Variants in PIK3CB observed in about 807,000 individuals in gnomAD.
PIK3CB encodes the protein phosphatidylinositol 4,5-bisphosphate 3-kinase catalytic subunit beta isoform.
In PIK3CB, 39 loss-of-function variants were observed where a neutral mutation model predicts 136.8. The observed-to-expected ratio is 0.29, with a 90% CI of 0.22 to 0.37. The LOEUF is 0.37. Ranked by LOEUF, PIK3CB falls within the 10% of genes least tolerant of loss-of-function variation. PIK3CB has a pLI of 1.00. For synonymous variants in PIK3CB, 428 were observed against 436.6 expected, an observed-to-expected ratio of 0.98 and a Z score of 0.25; for missense variants, 868 against 1,275.4, an observed-to-expected ratio of 0.68 and a Z score of 4.87.
At chr3:138,770,849 T>C (rs980185029) in intron 2 of PIK3CB, among the ~76,000 whole-genome samples, 2 of 151,260 alleles carry the variant, frequency 1.3e-5, no homozygotes, top group African/African-American at 4.9e-5. Context: ...GAAGCTGGTA[T>C]TACAGGCACC....
chr3:138,785,608 C>T (rs900535687), intron 2 of PIK3CB, among the ~76,000 whole-genome samples: 3 of 151,974 alleles, frequency 2.0e-5, no homozygotes, highest in African/African-American at 7.2e-5. Flanking sequence ...TAAACAGATG[C>T]TTGAAGGCAG....
At chr3:138,735,591 C>T (rs771683013) in intron 6 of PIK3CB, among the ~76,000 whole-genome samples, 1 of 152,118 alleles carries the variant, frequency 6.6e-6, no homozygotes, top group Non-Finnish European at 1.5e-5. Flanking sequence ...CAAGTATTAC[C>T]AGCCGTCTTC....
At chr3:138,722,486 A>G (rs2044749092) in intron 8 of PIK3CB, among the ~76,000 whole-genome samples, 1 of 152,166 alleles carries the variant, frequency 6.6e-6, no homozygotes, top group African/African-American at 2.4e-5. Context: ...AATTTTACAA[A>G]TGATTATTTT....
chr3:138,807,894 CAAAA>C (rs35759774), intron 1 of PIK3CB, among the ~76,000 whole-genome samples: 2 of 129,224 alleles, frequency 1.5e-5, no homozygotes, highest in African/African-American at 2.8e-5. Context: ...GATCCTGTCT[CAAAA>C]AAAAAAAAAA....
At chr3:138,681,279 C>CAA (rs2043776332) in intron 19 of PIK3CB, among the ~76,000 whole-genome samples, 1 of 152,066 alleles carries the variant, frequency 6.6e-6, no homozygotes, top group Admixed American at 6.5e-5. Context: ...CTCCTGACCT[C>CAA]AAGTGATCTG....
intron 2 of PIK3CB, among the ~76,000 whole-genome samples, chr3:138,762,163 C>T (rs1422377824): frequency 1.5e-4 from 22 of 151,638 alleles, no homozygotes; most frequent in African/African-American, 4.8e-4. Flanking sequence ...GCAGGAGAAT[C>T]GCCTGAACCC....
intron 5 of PIK3CB, among the ~76,000 whole-genome samples, chr3:138,738,410 A>G (rs2045160677): frequency 1.3e-5 from 2 of 152,086 alleles, no homozygotes; most frequent in African/African-American, 4.8e-5. Flanking sequence ...TGACCTTGTG[A>G]TCCGCCTGCC....
At chr3:138,697,067 A>C (rs2044152163) in intron 13 of PIK3CB, among the ~76,000 whole-genome samples, 1 of 152,186 alleles carries the variant, frequency 6.6e-6, no homozygotes, top group Admixed American at 6.5e-5. Context: ...AATTGCCAAA[A>C]CTCACCAAAC....
At chr3:138,696,821 A>G (rs1577086194) in intron 13 of PIK3CB, among the ~76,000 whole-genome samples, 1 of 152,294 alleles carries the variant, frequency 6.6e-6, no homozygotes, top group East Asian at 1.9e-4. Flanking sequence ...AAGAGTTGGG[A>G]AGAGACCATT....
rs184069629 is a variant in PIK3CB at position 138,714,486 on chromosome 3, G to C, written c.1284C>G (p.Ile428Met). 8 of 1,608,206 alleles carry C rather than the reference G, an allele frequency of 5.0e-6. No individual in the cohort carries two copies. The highest frequency in any genetic ancestry group is 6.8e-6 in the Non-Finnish European group (8 of 1,175,888). ...TCATTACCACTTTTCCAGCTTTCCT[G>C]ATGGTCTGATATTTAGAGGGATTAA... ...KTINPSKYQT[I>M]RKAGKVHYPV... is the part of the protein sequence containing the mutation. Residue 428 changes from isoleucine (I) to methionine (M), a missense_variant, in exon 9 of 24, where the codon ATC becomes ATG. Around this residue, in one of 4 missense-constraint regions of PIK3CB, gnomAD observed 612 missense variants for 801.1 expected, o/e 0.76. Transcript: ENST00000674063.
At chr3:138,817,359 A>G (rs559930475) in intron 1 of PIK3CB, among the ~76,000 whole-genome samples, 1 of 151,292 alleles carries the variant, frequency 6.6e-6, no homozygotes, top group East Asian at 2.0e-4. Context: ...AACAAAAACA[A>G]AAAAAAATTA....
At chr3:138,659,401 A>G (rs1439575460) in intron 21 of PIK3CB, among the ~76,000 whole-genome samples, 1 of 152,020 alleles carries the variant, frequency 6.6e-6, no homozygotes, top group Non-Finnish European at 1.5e-5. Flanking sequence ...GTGGTCCCCC[A>G]GCTGCCTGGG....
intron 1 of PIK3CB, among the ~76,000 whole-genome samples, chr3:138,807,024 A>C (rs1012096533): frequency 6.6e-6 from 1 of 152,240 alleles, no homozygotes; most frequent in African/African-American, 2.4e-5. Context: ...TACTGTTATA[A>C]ATATGAGCCA....
intron 1 of PIK3CB, among the ~76,000 whole-genome samples, chr3:138,822,097 C>T (rs1364841647): frequency 1.3e-5 from 2 of 152,018 alleles, no homozygotes; most frequent in Admixed American, 6.6e-5. Flanking sequence ...AAGATGGTTC[C>T]ACTGCACTCC....
At chr3:138,751,703 C>G (rs188582504) in intron 4 of PIK3CB, among the ~76,000 whole-genome samples, 91 of 152,094 alleles carry the variant, frequency 6.0e-4, no homozygotes, top group African/African-American at 2.0e-3. Flanking sequence ...GACATGGTGG[C>G]TCACACCTGT....
rs59218157 is a variant in PIK3CB, at chr3:138,678,593, C to T, written c.2504+3374G>A. On this transcript the variant is annotated intron_variant, in intron 19 of 23. Coordinates refer to ENST00000674063, the MANE Select transcript of PIK3CB (RefSeq NM_006219.3). ...AAATACATTCATATTGGAGTAAATCCATCCTCACAAAAAAATTCAACTATA... is the reference window on the plus strand; with the variant it reads ...AAATACATTCATATTGGAGTAAATCTATCCTCACAAAAAAATTCAACTATA... Among the ~76,000 whole-genome samples the T allele has an allele frequency of 6.0e-3, 916 of 151,586 alleles. 15 individuals are homozygous for T. Among genetic ancestry groups the T allele is most frequent in the South Asian group, 0.036 (173 of 4,792 alleles).
intron 4 of PIK3CB, among the ~76,000 whole-genome samples, chr3:138,750,058 T>C (rs574009259): frequency 6.6e-6 from 1 of 152,188 alleles, no homozygotes; most frequent in South Asian, 2.1e-4. Flanking sequence ...TTTGTACTTT[T>C]TGTAGAGATG....
intron 2 of PIK3CB, among the ~76,000 whole-genome samples, chr3:138,773,832 C>G (rs924619779): frequency 1.1e-4 from 16 of 152,140 alleles, no homozygotes; most frequent in African/African-American, 3.6e-4. Context: ...CTCTCCTCAC[C>G]CTCTCCACCC....
At chr3:138,726,939 T>C (rs1251432164) in intron 8 of PIK3CB, among the ~76,000 whole-genome samples, 2 of 151,072 alleles carry the variant, frequency 1.3e-5, no homozygotes, top group Non-Finnish European at 2.9e-5. Flanking sequence ...TAGTCCCAGA[T>C]ATACAGGAGT....
Sources: gnomAD v4.1 joint callset for allele counts (sites outside exome capture counted in the v4.1 genomes callset) on GRCh38, gnomAD v4.1.1 for gene constraint, gnomAD v4.1.1 regional missense constraint, MANE v1.5 for transcripts, NCBI Gene and HGNC (gene_info 2026-07-23, HGNC 2026-07-21) for gene names.